ANTXR1: variants seen among roughly 807,000 people sequenced by gnomAD.
The protein encoded by ANTXR1 is anthrax toxin receptor 1.
ANTXR1 carries 19 observed loss-of-function variants against 78.1 expected under a neutral mutation model. The observed-to-expected ratio is 0.24, with a 90% CI of 0.17 to 0.36. The LOEUF (loss-of-function observed/expected upper bound fraction) is 0.36. Ranked by LOEUF, ANTXR1 falls within the 10% of genes least tolerant of loss-of-function variation. The pLI is 1.00. For missense variants in ANTXR1, 518 were observed against 718.6 expected (o/e 0.72, Z 3.19); for synonymous variants, 273 against 260.5 (o/e 1.05, Z -0.46).
intron 3 of ANTXR1, among the ~76,000 whole-genome samples, chr2:69,047,385 T>C (rs1359538075): frequency 6.6e-6 from 1 of 152,238 alleles, no homozygotes; most frequent in Non-Finnish European, 1.5e-5. Flanking sequence ...TTATCCTTTT[T>C]TATTTATCCT....
chr2:69,090,239 C>A (rs1469374280), intron 8 of ANTXR1, among the ~76,000 whole-genome samples: 1 of 151,822 alleles, frequency 6.6e-6, no homozygotes, highest in African/African-American at 2.4e-5. Context: ...CTCTCCAGCT[C>A]TATCTAGTAT....
intron 13 of ANTXR1, among the ~76,000 whole-genome samples, chr2:69,152,639 T>A (rs570619584): frequency 6.6e-6 from 1 of 152,180 alleles, no homozygotes; most frequent in Admixed American, 6.5e-5. Flanking sequence ...ATTTGTTGAG[T>A]TGCCCAACCT....
intron 10 of ANTXR1, among the ~76,000 whole-genome samples, chr2:69,117,530 T>C (rs1174742844): frequency 6.6e-6 from 1 of 152,204 alleles, no homozygotes; most frequent in Non-Finnish European, 1.5e-5. Flanking sequence ...TCACTAAAGC[T>C]TTTCATTTCC....
At chr2:69,230,465 A>G (rs535523729) in intron 17 of ANTXR1, among the ~76,000 whole-genome samples, 15 of 152,108 alleles carry the variant, frequency 9.9e-5, no homozygotes, top group Non-Finnish European at 1.8e-4. Flanking sequence ...CATTTCATAT[A>G]GCCTTAGGAC....
At chr2:69,172,455 A>G in intron 14 of ANTXR1, 1 of 1,566,558 alleles carries the variant, frequency 6.4e-7, no homozygotes, top group African/African-American at 1.4e-5. Context: ...TATTTTATAC[A>G]ATGCTCTGAA....
intron 8 of ANTXR1, among the ~76,000 whole-genome samples, chr2:69,085,761 G>A (rs943008607): frequency 6.6e-6 from 1 of 152,128 alleles, no homozygotes; most frequent in Non-Finnish European, 1.5e-5. Context: ...AAGGATGGCA[G>A]TTTACATTAA....
intron 12 of ANTXR1, chr2:69,145,704 C>G: frequency 9.1e-7 from 1 of 1,094,456 alleles, no homozygotes; most frequent in East Asian, 6.0e-5. Flanking sequence ...TTGAACTTCC[C>G]CCAGGCTCCC....
At chr2:69,238,828 G>C (rs1675832394) in intron 17 of ANTXR1, among the ~76,000 whole-genome samples, 1 of 152,156 alleles carries the variant, frequency 6.6e-6, no homozygotes, top group Non-Finnish European at 1.5e-5. Flanking sequence ...TTCCTTAGAT[G>C]ACCTCTGTTC....
At chr2:69,183,824 G>T (rs544627939) in intron 16 of ANTXR1, among the ~76,000 whole-genome samples, 1 of 152,188 alleles carries the variant, frequency 6.6e-6, no homozygotes, top group South Asian at 2.1e-4. Context: ...TATGCCACTT[G>T]TCAGAGAGCA....
rs1674016083 is a variant in ANTXR1, at chr2:69,172,451, A to T, written c.1089+2162A>T. On this transcript the variant is annotated intron_variant, in intron 14 of 17. Transcript: ENST00000303714. ...TAACACAGCCCGTGCAACGTATTTT[A>T]TACAATGCTCTGAAAATCATAGTCT... The T allele has an allele frequency of 3.2e-6, 5 of 1,577,872 alleles. 1 individual carries two copies. The South Asian group carries it at 5.8e-5, about 18-fold the overall frequency.
intron 9 of ANTXR1, 142 bp from the exon 10 acceptor site, chr2:69,102,700 G>A (rs1055740663): frequency 8.1e-6 from 7 of 861,914 alleles, no homozygotes; most frequent in Non-Finnish European, 1.4e-5. Context: ...AACCCACCTG[G>A]TTGCTTTTGG....
intron 17 of ANTXR1, among the ~76,000 whole-genome samples, chr2:69,210,004 G>A (rs368809187): frequency 4.2e-4 from 64 of 152,304 alleles, no homozygotes; most frequent in African/African-American, 1.4e-3. Flanking sequence ...GAGTGAAGCC[G>A]GGAGATCAGT....
chr2:69,218,369 G>C (rs770364372), intron 17 of ANTXR1, among the ~76,000 whole-genome samples: 30 of 152,140 alleles, frequency 2.0e-4, no homozygotes, highest in Non-Finnish European at 3.5e-4. Context: ...AAAAAGGGGG[G>C]GATGGGTATC....
rs188348993 is a variant in ANTXR1 at position 69,247,087 on chromosome 2, G to A, written c.*1602G>A. The A allele has an allele frequency of 1.3e-5, 2 of 152,472 alleles. No individual in the cohort carries two copies. The highest frequency in any genetic ancestry group is 2.4e-5 in the African/African-American group (1 of 41,514). 9.4% of individuals were successfully genotyped at this position (152,472 alleles called of 1,614,324 possible). A position where few individuals can be genotyped will look rare whatever the true frequency, so the allele number is the denominator to read the frequency against. ...TATTTTATCAATACCAATTTTTGTG[G>A]CCATGGCAGACATTGCTAATCAATC... is the stretch of plus-strand genomic sequence containing the variant. On this transcript the variant is annotated 3_prime_UTR_variant, in exon 18 of 18. Transcript: ENST00000303714.
At chr2:69,171,014 C>G (rs1407510066) in intron 14 of ANTXR1, among the ~76,000 whole-genome samples, 3 of 152,184 alleles carry the variant, frequency 2.0e-5, no homozygotes, top group Non-Finnish European at 4.4e-5. Flanking sequence ...GCTGGAGTCT[C>G]TAGAAGTAAC....
At chr2:69,145,767 A>G in intron 12 of ANTXR1, 1 of 1,016,896 alleles carries the variant, frequency 9.8e-7, no homozygotes, top group Non-Finnish European at 1.2e-6. Flanking sequence ...GAAAACAGAA[A>G]GGAGCAGCAG....
At chr2:69,152,130 C>T (rs745649838) in intron 12 of ANTXR1, 39 bp from the exon 13 acceptor site, 23 of 1,586,212 alleles carry the variant, frequency 1.5e-5, no homozygotes, top group Non-Finnish European at 1.2e-5. Context: ...CACACATGGT[C>T]CCATCCCGCT....
chr2:69,176,558 A>G (rs886224510), intron 14 of ANTXR1, among the ~76,000 whole-genome samples: 1 of 152,214 alleles, frequency 6.6e-6, no homozygotes, highest in Non-Finnish European at 1.5e-5. Flanking sequence ...TCATGTCGTC[A>G]TTCTCACGAA....
At chr2:69,110,628 G>A (rs1008306365) in intron 10 of ANTXR1, among the ~76,000 whole-genome samples, 4 of 152,110 alleles carry the variant, frequency 2.6e-5, no homozygotes, top group African/African-American at 9.7e-5. Context: ...GGAGGCGGAG[G>A]CGGGCGGATC....
Sources: allele counts gnomAD v4.1 joint callset (sites outside exome capture counted in the v4.1 genomes callset), GRCh38; gene constraint gnomAD v4.1.1; transcripts MANE v1.5; gene names NCBI Gene and HGNC (gene_info 2026-07-23, HGNC 2026-07-21).